The following INPP4A variants were observed in gnomAD, a reference collection of about 807,000 sequenced individuals.
INPP4A encodes the protein inositol polyphosphate-4-phosphatase type I A.
INPP4A carries 33 observed loss-of-function variants against 119.8 expected under a neutral mutation model. The ratio of observed to expected loss-of-function variants is 0.28; its 90% CI spans 0.21 to 0.37. INPP4A has a LOEUF of 0.37. Ranked by LOEUF, INPP4A falls within the 10% of genes least tolerant of loss-of-function variation. The pLI is 1.00. For synonymous variants in INPP4A, 496 were observed against 500.7 expected (o/e 0.99, Z 0.12); for missense variants, 956 against 1,289.9 (o/e 0.74, Z 3.97).
intron 1 of INPP4A, among the ~76,000 whole-genome samples, chr2:98,502,144 A>G (rs1475290770): frequency 6.6e-6 from 1 of 152,180 alleles, no homozygotes; most frequent in Non-Finnish European, 1.5e-5. Context: ...GATAGTCCTG[A>G]GGGCATTAGG....
chr2:98,456,484 C>T (rs189722368), intron 1 of INPP4A, among the ~76,000 whole-genome samples: 19 of 151,972 alleles, frequency 1.3e-4, no homozygotes, highest in African/African-American at 4.3e-4. Flanking sequence ...CATGCGTGTG[C>T]CACCACACTT....
chr2:98,456,202 T>G (rs1337489765), intron 1 of INPP4A, among the ~76,000 whole-genome samples: 1 of 152,202 alleles, frequency 6.6e-6, no homozygotes, highest in Non-Finnish European at 1.5e-5. Context: ...GACTTGAAAT[T>G]ACCAGTTAAA....
chr2:98,546,838 C>T lies in INPP4A; in HGVS notation c.1163+144C>T. 3 of 638,240 alleles carry T rather than the reference C, an allele frequency of 4.7e-6. No homozygotes were observed. The highest frequency in any genetic ancestry group is 5.8e-6 in the Non-Finnish European group (2 of 346,736). The allele number at this position is 638,240 out of a possible 1,614,324, so 39.5% of individuals were successfully genotyped here. ...TGGCAGGAGGATCTGCCTTATGGAG[C>T]CTGTGCTGCTCTGTTTATGTGTGAC... On this transcript the variant is annotated intron_variant, in intron 13 of 24. Transcript: ENST00000409851. The surrounding 1 kb of genome is among the most constrained non-coding windows in gnomAD (Gnocchi z 4.2).
rs1696383356 is a variant in INPP4A, at chr2:98,566,126, C to G, written c.2377C>G (p.Leu793Val). 6.3e-7 allele frequency: 1 copy of G among 1,599,120 alleles called. No individual in the cohort carries two copies. The highest frequency in any genetic ancestry group is 8.5e-7 in the Non-Finnish European group (1 of 1,172,782). The change falls in exon 21 of 25, where the codon CTC (leucine) becomes GTC (valine). Residue 793 changes from leucine (L) to valine (V), a missense_variant. Around this residue, in one of 2 missense-constraint regions of INPP4A, gnomAD observed 304 missense variants for 492.1 expected, o/e 0.62. Coordinates refer to ENST00000409851, the MANE Select transcript of INPP4A (RefSeq NM_001134225.2). The surrounding 1 kb of genome is among the most constrained non-coding windows in gnomAD (Gnocchi z 4.2). ...CATGCTGCTGCGAGTGCAGCCCGTC[C>G]TCTTCAACGTGGGCATCAATGAGCA... ...SGMLLRVQPV[L>V]FNVGINEQQT...
intron 1 of INPP4A, among the ~76,000 whole-genome samples, chr2:98,478,248 G>A (rs944534768): frequency 6.6e-6 from 1 of 152,128 alleles, no homozygotes; most frequent in Non-Finnish European, 1.5e-5. Flanking sequence ...CCACCCAGGA[G>A]CACAGCCTCA....
At chr2:98,456,437 C>G (rs1574481387) in intron 1 of INPP4A, among the ~76,000 whole-genome samples, 1 of 152,232 alleles carries the variant, frequency 6.6e-6, no homozygotes, top group East Asian at 1.9e-4. Flanking sequence ...TGGGCTCAAG[C>G]ATCCTCCTGC....
intron 1 of INPP4A, among the ~76,000 whole-genome samples, chr2:98,490,333 A>G (rs116762077): frequency 0.031 from 4,706 of 151,854 alleles, 101 homozygotes; most frequent in Middle Eastern, 0.048. Context: ...TGCATATCAC[A>G]TGGGAATCTC....
chr2:98,523,678 G>A (rs1477186420), intron 4 of INPP4A, among the ~76,000 whole-genome samples: 2 of 152,186 alleles, frequency 1.3e-5, no homozygotes, highest in African/African-American at 4.8e-5. Context: ...ACAGGCGTGA[G>A]CCACCGCGCC....
rs575399035 is a variant in INPP4A at position 98,550,893 on chromosome 2, T to A, written c.1164-1893T>A. Among the ~76,000 whole-genome samples the A allele has an allele frequency of 3.4e-3, 511 of 152,258 alleles. 2 individuals are homozygous for A. The highest frequency in any genetic ancestry group is 6.2e-3 in the Non-Finnish European group (420 of 68,016). On this transcript the variant is annotated intron_variant, in intron 13 of 24. Transcript: ENST00000409851. ...AGCCACCTCCTTACACAGAAGTAGA[T>A]CTACATACAGCACATTTTATATATG...
chr2:98,589,359 A>G lies in INPP4A; in HGVS notation c.*1751A>G. On this transcript the variant is annotated 3_prime_UTR_variant, in exon 25 of 25. Coordinates refer to ENST00000409851, the MANE Select transcript of INPP4A (RefSeq NM_001134225.2). ...TTTCACCTCTCCACCATCTCATTTA[A>G]TTTGTAAATTTTTAGTTCTGTCTTT... is the stretch of plus-strand genomic sequence containing the variant. 1 of 184,892 alleles carries G rather than the reference A, an allele frequency of 5.4e-6. No homozygotes were observed. The highest frequency in any genetic ancestry group is 1.1e-5 in the Non-Finnish European group (1 of 87,282). 11.5% of individuals were successfully genotyped at this position (184,892 alleles called of 1,614,324 possible). A position where few individuals can be genotyped will look rare whatever the true frequency, so the allele number is the denominator to read the frequency against.
At chr2:98,531,623 T>G (rs547352871) in intron 4 of INPP4A, among the ~76,000 whole-genome samples, 1 of 152,078 alleles carries the variant, frequency 6.6e-6, no homozygotes, top group East Asian at 1.9e-4. Context: ...ACACAACACT[T>G]AAAGTAGCAA....
rs1696314620 is a variant in INPP4A at position 98,565,730 on chromosome 2, C to T, written c.2243C>T (p.Ala748Val). Residue 748 changes from alanine (A) to valine (V), a missense_variant, in exon 20 of 25, where the codon GCC (alanine) becomes GTC (valine). Around this residue, in one of 2 missense-constraint regions of INPP4A, gnomAD observed 304 missense variants for 492.1 expected, o/e 0.62. Transcript: ENST00000409851. ...AAAGTCACTCAGGCCACTTCCAGCG[C>T]CTCCGCAGACATGCTGCCCGTCATC... ...TFKVTQATSS[A>V]SADMLPVITG... 6.2e-7 allele frequency: 1 copy of T among 1,613,350 alleles called. No homozygotes were observed. Among genetic ancestry groups the T allele is most frequent in the African/African-American group, 1.3e-5 (1 of 74,908 alleles).
chr2:98,533,617 T>G, intron 5 of INPP4A, 122 bp downstream of exon 5: 1 of 658,294 alleles, frequency 1.5e-6, no homozygotes, highest in Non-Finnish European at 2.7e-6. Flanking sequence ...TTGTTGCTAT[T>G]TTCCCATGGG....
chr2:98,524,947 A>T (rs776817336), intron 4 of INPP4A, among the ~76,000 whole-genome samples: 1 of 152,160 alleles, frequency 6.6e-6, no homozygotes, highest in Non-Finnish European at 1.5e-5. Flanking sequence ...AAGCAATATA[A>T]ATGTATTATC....
intron 1 of INPP4A, among the ~76,000 whole-genome samples, chr2:98,458,904 C>T (rs752898247): frequency 3.4e-4 from 51 of 152,190 alleles, no homozygotes; most frequent in Admixed American, 5.9e-4. Context: ...CAAAGCATGG[C>T]TGACTGTGGA....
chr2:98,563,724 A>C, intron 18 of INPP4A, 87 bp downstream of exon 18: 2 of 1,379,378 alleles, frequency 1.4e-6, no homozygotes, highest in Non-Finnish European at 2.0e-6. Flanking sequence ...CTCTCACTTC[A>C]CTTGTAAAAG....
intron 24 of INPP4A, among the ~76,000 whole-genome samples, chr2:98,582,324 C>T (rs775942963): frequency 2.3e-4 from 35 of 152,240 alleles, no homozygotes; most frequent in Non-Finnish European, 4.7e-4. Flanking sequence ...CAGAATCCTA[C>T]CATTTCCTTG....
At chr2:98,543,350 A>G (rs1691862626) in intron 10 of INPP4A, among the ~76,000 whole-genome samples, 1 of 152,220 alleles carries the variant, frequency 6.6e-6, no homozygotes, top group African/African-American at 2.4e-5. Context: ...CCGGGAGGGC[A>G]GAAGGCCCAT....
rs545151760 is a variant in INPP4A, at chr2:98,506,468, A to G, written c.-165-12496A>G. On this transcript the variant is annotated intron_variant, in intron 1 of 24. Transcript: ENST00000409851. ...AGGCGAGTCAAAACATGTGGGCAGC[A>G]TTTGCAAGCTGTGTTGTTGTTGCTC... Among the ~76,000 whole-genome samples, 5 of 152,320 alleles carry G rather than the reference A, an allele frequency of 3.3e-5. No homozygotes were observed. In the East Asian group the frequency reaches 9.6e-4, roughly 29 times the overall value.
Sources: gnomAD v4.1 joint callset for allele counts (sites outside exome capture counted in the v4.1 genomes callset) on GRCh38, gnomAD v4.1.1 for gene constraint, gnomAD v4.1.1 regional missense constraint, Gnocchi (gnomAD v3.1) non-coding constraint, MANE v1.5 for transcripts, NCBI Gene and HGNC (gene_info 2026-07-23, HGNC 2026-07-21) for gene names.